MROH1: variants seen among roughly 807,000 people sequenced by gnomAD.
The protein encoded by MROH1 is maestro heat like repeat family member 1, also known as maestro heat-like repeat-containing protein family member 1.
MROH1 carries 117 observed loss-of-function variants against 116.5 expected under a neutral mutation model. The observed-to-expected ratio is 1.00, with a 90% CI of 0.86 to 1.17. MROH1 has a LOEUF of 1.17. Ranked by LOEUF, MROH1 falls within the 50% of genes most tolerant of loss-of-function variation. The pLI, the probability that MROH1 is intolerant of heterozygous loss-of-function variation, is 0.00. For synonymous variants in MROH1, 921 were observed against 583.9 expected (o/e 1.58, Z -8.32); for missense variants, 1,873 against 1,338.5 (o/e 1.40, Z -6.23).
At chr8:144,234,498 GTTTTTTTTTTTTTTTTTTTTT>G (rs1165164431) in intron 14 of MROH1, among the ~76,000 whole-genome samples, 12 of 18,102 alleles carry the variant, frequency 6.6e-4, no homozygotes, top group Admixed American at 8.2e-4. Flanking sequence ...TTTCTTTTTC[GTTTTTTTTTTTTTTTTTTTTT>G]TTTTTTTTTT....
At chr8:144,168,269 A>G in intron 3 of MROH1, 26 bp from the exon 4 acceptor site, 1 of 1,568,266 alleles carries the variant, frequency 6.4e-7, no homozygotes, top group Non-Finnish European at 8.6e-7. Context: ...GGGCCTGAGC[A>G]TGCTAACCAG....
intron 3 of MROH1, among the ~76,000 whole-genome samples, chr8:144,166,943 G>A (rs1266322946): frequency 6.6e-6 from 1 of 152,232 alleles, no homozygotes; most frequent in Non-Finnish European, 1.5e-5. Flanking sequence ...ATTTGGATCA[G>A]CCTGTTTGTC....
At position 144,260,954 on chromosome 8, in the gene MROH1, G is replaced by A. The variant is rs1471774309; in HGVS notation, c.4584G>A (p.Glu1528=). The A allele has an allele frequency of 3.1e-5, 24 of 777,760 alleles. No individual in the cohort carries two copies. The East Asian group carries it at 5.3e-4, about 17-fold the overall frequency. 48.2% of individuals were successfully genotyped at this position (777,760 alleles called of 1,614,324 possible). A position where few individuals can be genotyped will look rare whatever the true frequency, so the allele number is the denominator to read the frequency against. ...TGTGTGGCCCCAATCTGGCATGTGA[G>A]GAGCTCTCAGCTGCTTTCCAGAAAC... is the stretch of plus-strand genomic sequence containing the variant. ...LRMCGPNLAC[E]ELSAAFQKHL... The change falls in exon 41 of 44, where the codon GAG becomes GAA. Residue 1528 remains glutamate (E), a synonymous_variant. Transcript: ENST00000326134.
chr8:144,229,264 A>G (rs1838374366), intron 14 of MROH1, among the ~76,000 whole-genome samples: 1 of 152,200 alleles, frequency 6.6e-6, no homozygotes, highest in Admixed American at 6.5e-5. Context: ...TGAATCACAA[A>G]TGCTCTTCAT....
chr8:144,182,318 G>A lies in MROH1; in HGVS notation c.562+1795G>A, dbSNP rs930211213. On this transcript the variant is annotated intron_variant, in intron 7 of 43. Coordinates refer to ENST00000326134, the MANE Select transcript of MROH1 (RefSeq NM_032450.3). This position sits in a 1 kb window ranked among gnomAD's most constrained non-coding sequence, Gnocchi z 4.1. ...CCAGTGGTGGAGGCACGGCTGGCCT[G>A]GCCACGCCGTCCAGCAGGGCAGGCA... Among the ~76,000 whole-genome samples the A allele has an allele frequency of 8.5e-5, 13 of 152,212 alleles. No homozygotes were observed. The highest frequency in any genetic ancestry group is 3.4e-3 in the Middle Eastern group (1 of 294).
intron 12 of MROH1, among the ~76,000 whole-genome samples, chr8:144,209,030 TGTGTGTGTGTG>T (rs1176961275): frequency 6.8e-4 from 2 of 2,952 alleles, no homozygotes; most frequent in Non-Finnish European, 0.015. Context: ...GGCCATTTTG[TGTGTGTGTGTG>T]TGTGTGTGTG....
intron 14 of MROH1, among the ~76,000 whole-genome samples, chr8:144,234,199 C>T (rs566368264): frequency 3.3e-5 from 5 of 152,094 alleles, no homozygotes; most frequent in East Asian, 1.9e-4. Flanking sequence ...TTAGTAGAGA[C>T]GGGGTTTCAC....
chr8:144,206,686 A>G (rs1004151819), intron 12 of MROH1, among the ~76,000 whole-genome samples: 3 of 150,530 alleles, frequency 2.0e-5, no homozygotes, highest in African/African-American at 7.3e-5. Context: ...GGTCTCCCAA[A>G]GTGCTGGGAT....
At position 144,161,837 on chromosome 8, in the gene MROH1, C is replaced by T. The variant is rs373146927; in HGVS notation, c.-57+748C>T. On this transcript the variant is annotated intron_variant, in intron 2 of 43. Transcript: ENST00000326134. ...ACGGAGCTGGGCAGTGCTGGCTACC[C>T]GCAGGGCACAGCCTCTGGTCCCAGA... Among the ~76,000 whole-genome samples, 31 of 152,286 alleles carry T rather than the reference C, an allele frequency of 2.0e-4. No homozygotes were observed. In the East Asian group the frequency reaches 2.9e-3, roughly 14 times the overall value.
intron 10 of MROH1, among the ~76,000 whole-genome samples, chr8:144,195,457 A>T (rs1379439175): frequency 2.3e-5 from 3 of 130,646 alleles, no homozygotes; most frequent in Admixed American, 8.4e-5. Flanking sequence ...AGCTGAGATC[A>T]CGCCACTGCA....
chr8:144,245,445 C>T (rs995540267), intron 29 of MROH1, among the ~76,000 whole-genome samples, 185 bp downstream of exon 29: 11 of 152,216 alleles, frequency 7.2e-5, no homozygotes, highest in South Asian at 2.1e-4. Context: ...GAATAGAGTC[C>T]GTTGTCATCA....
At chr8:144,172,834 C>A (rs971808428) in intron 4 of MROH1, among the ~76,000 whole-genome samples, 5 of 152,120 alleles carry the variant, frequency 3.3e-5, no homozygotes, top group Non-Finnish European at 7.3e-5. Flanking sequence ...TATTGATTTA[C>A]GTCTTTGCCT....
At chr8:144,187,280 C>T (rs763144223) in intron 7 of MROH1, among the ~76,000 whole-genome samples, 7 of 151,898 alleles carry the variant, frequency 4.6e-5, no homozygotes, top group Non-Finnish European at 1.0e-4. Context: ...TACAGTGTCA[C>T]GCACCTGTAG....
Position 144,163,053 on chromosome 8 carries a change from A to T in MROH1, c.-56-718A>T, listed in dbSNP as rs1219876939. Among the ~76,000 whole-genome samples the T allele has an allele frequency of 6.6e-6, 1 of 152,076 alleles. No individual in the cohort carries two copies. The highest frequency in any genetic ancestry group is 1.5e-5 in the Non-Finnish European group (1 of 68,006). On this transcript the variant is annotated intron_variant, in intron 2 of 43. Transcript: ENST00000326134. This position sits in a 1 kb window ranked among gnomAD's most constrained non-coding sequence, Gnocchi z 4.4. ...TCTATGATTTCTTACTTCGCCTCCA[A>T]CCCATGTGTGCACAGCGCAGGGAGG... is the stretch of plus-strand genomic sequence containing the variant.
intron 3 of MROH1, 29 bp from the exon 4 acceptor site, chr8:144,168,266 A>C (rs374504199): frequency 6.4e-7 from 1 of 1,562,006 alleles, no homozygotes; most frequent in South Asian, 1.2e-5. Context: ...CTTGGGCCTG[A>C]GCATGCTAAC....
In MROH1 at chr8:144,168,291, G is replaced by A. The variant is rs553809984; in HGVS notation, c.23-4G>A. 3 of 1,595,094 alleles carry A rather than the reference G, an allele frequency of 1.9e-6. No homozygotes were observed. Among genetic ancestry groups the A allele is most frequent in the East Asian group, 2.2e-5 (1 of 44,552 alleles). On this transcript the variant is annotated splice_polypyrimidine_tract_variant and splice_region_variant and intron_variant, in intron 3 of 43. Transcript: ENST00000326134. ...AGCATGCTAACCAGGCTTTGTCGCT[G>A]CAGAGCTGGCCTCCACCCTGCTGGA...
chr8:144,230,028 T>C (rs2132593256), intron 14 of MROH1, among the ~76,000 whole-genome samples: 1 of 140,462 alleles, frequency 7.1e-6, no homozygotes. Context: ...AGCTACACTC[T>C]GTCTCAAAAA....
intron 32 of MROH1, 82 bp downstream of exon 32, chr8:144,249,111 A>G (rs987580507): frequency 2.0e-5 from 14 of 700,400 alleles, no homozygotes; most frequent in African/African-American, 1.8e-4. Flanking sequence ...GGAGTGGGGT[A>G]GTGGCTCTTG....
chr8:144,252,979 CATAT>C (rs138657169), intron 33 of MROH1, among the ~76,000 whole-genome samples: 189 of 142,588 alleles, frequency 1.3e-3, no homozygotes, highest in African/African-American at 3.3e-3. Context: ...AAATTTATTT[CATAT>C]ATATATATAT....
Sources: allele counts gnomAD v4.1 joint callset (sites outside exome capture counted in the v4.1 genomes callset), GRCh38; gene constraint gnomAD v4.1.1; non-coding constraint Gnocchi (gnomAD v3.1); transcripts MANE v1.5; gene names NCBI Gene and HGNC (gene_info 2026-07-23, HGNC 2026-07-21).